RAI2: variants seen among roughly 807,000 people sequenced by gnomAD.
RAI2 encodes the protein retinoic acid-induced protein 2.
A neutral mutation model predicts 15.3 loss-of-function variants in RAI2; 5 were observed. The ratio of observed to expected loss-of-function variants is 0.33; its 90% CI spans 0.17 to 0.69. The LOEUF (loss-of-function observed/expected upper bound fraction) is 0.69. RAI2 is among the 30% of genes least tolerant of loss of function. The pLI is 0.69. For missense variants in RAI2, 424 were observed against 424.7 expected, an observed-to-expected ratio of 1.00 and a Z score of 0.01; for synonymous variants, 191 against 184.0, an observed-to-expected ratio of 1.04 and a Z score of -0.31.
intron 1 of RAI2, among the ~76,000 whole-genome samples, chrX:17,849,637 G>A (rs2067504075): frequency 8.9e-6 from 1 of 112,744 alleles, no homozygotes; most frequent in Middle Eastern, 4.2e-3. Flanking sequence ...ATTGGAGGAT[G>A]TTTCCTAACA....
intron 1 of RAI2, among the ~76,000 whole-genome samples, chrX:17,854,921 T>C (rs1216659609): frequency 8.9e-6 from 1 of 111,952 alleles, no homozygotes; most frequent in African/African-American, 3.2e-5. Flanking sequence ...CACAGGCGCC[T>C]GACCTGTAAA....
At chrX:17,819,901 T>TAC (rs1382178665) in intron 1 of RAI2, among the ~76,000 whole-genome samples, 15 of 112,596 alleles carry the variant, frequency 1.3e-4, no homozygotes, top group Admixed American at 6.6e-4. Context: ...TTCAGGTGGT[T>TAC]ACAAAGGTGT....
intron 1 of RAI2, among the ~76,000 whole-genome samples, chrX:17,845,627 G>A (rs948869836): frequency 8.9e-6 from 1 of 112,296 alleles, no homozygotes; most frequent in African/African-American, 3.2e-5. Context: ...TCTTTGGGAT[G>A]GGGGTGGAGA....
At chrX:17,819,297 C>A (rs1238447566) in intron 1 of RAI2, among the ~76,000 whole-genome samples, 1 of 112,373 alleles carries the variant, frequency 8.9e-6, no homozygotes, top group Admixed American at 9.4e-5. Context: ...AACTAAGCAA[C>A]CATATCTCAT....
chrX:17,824,609 G>GC lies in RAI2; in HGVS notation c.-24-22576dup, dbSNP rs201606511. On this transcript the variant is annotated intron_variant, in intron 1 of 1. Transcript: ENST00000451717. ...CCAATGTCTGATTTTGAGCAGAGCA[G>GC]CCCCCCTAGGATGAGTTAACTGCAA... Among the ~76,000 whole-genome samples, 959 of 111,678 alleles carry GC rather than the reference G, an allele frequency of 8.6e-3. 8 individuals are homozygous for GC. The highest frequency in any genetic ancestry group is 0.028 in the African/African-American group (872 of 30,674).
rs1238276759 is a variant in RAI2 at position 17,800,520 on chromosome X, G to T, written c.1491C>A (p.Pro497=). Residue 497 remains proline (P), a synonymous_variant, in exon 2 of 2, where the codon CCC becomes CCA. Transcript: ENST00000451717. The part of the protein sequence containing the change: ...SMGNAEPLRK[P]IKNRSIKLKK... ...TTAACTTTATGCTCCGGTTTTTGAT[G>T]GGTTTCCTAAGGGGCTCTGCATTTC... 4 of 1,210,663 alleles carry T rather than the reference G, an allele frequency of 3.3e-6. No homozygotes were observed. The highest frequency in any genetic ancestry group is 4.5e-6 in the Non-Finnish European group (4 of 894,950).
At chrX:17,827,141 T>G (rs185939262) in intron 1 of RAI2, among the ~76,000 whole-genome samples, 1 of 112,160 alleles carries the variant, frequency 8.9e-6, no homozygotes, top group East Asian at 2.8e-4. Context: ...CCCACTGGGA[T>G]ATGGAGAACT....
At position 17,800,127 on chromosome X, in the gene RAI2, A is replaced by C. The variant is rs749115001; in HGVS notation, c.*291T>G. On this transcript the variant is annotated 3_prime_UTR_variant, in exon 2 of 2. Coordinates refer to ENST00000451717, the MANE Select transcript of RAI2 (RefSeq NM_021785.6). ...TTACATCATCAAAGCACTTTGTGGCAATGAAAATAGCTTTTTTTACCCCTC... is the reference window on the plus strand; with the variant it reads ...TTACATCATCAAAGCACTTTGTGGCCATGAAAATAGCTTTTTTTACCCCTC... 3.8e-6 allele frequency: 1 copy of C among 264,792 alleles called. No individual in the cohort carries two copies. Among genetic ancestry groups the C allele is most frequent in the South Asian group, 1.5e-4 (1 of 6,784 alleles). 21.8% of individuals were successfully genotyped at this position (264,792 alleles called of 1,213,427 possible).
chrX:17,851,649 T>C (rs985760877), intron 1 of RAI2, among the ~76,000 whole-genome samples: 2 of 111,544 alleles, frequency 1.8e-5, no homozygotes, highest in African/African-American at 6.5e-5. Context: ...AAAGTAACAC[T>C]GGTTTCTATG....
At chrX:17,829,268 A>T (rs2067257828) in intron 1 of RAI2, among the ~76,000 whole-genome samples, 1 of 94,042 alleles carries the variant, frequency 1.1e-5, no homozygotes, top group African/African-American at 4.1e-5. Context: ...TTTCATGGCC[A>T]TCTGTATGGA....
intron 1 of RAI2, among the ~76,000 whole-genome samples, chrX:17,806,844 C>T (rs1333101674): frequency 9.0e-6 from 1 of 110,862 alleles, no homozygotes; most frequent in South Asian, 3.9e-4. Context: ...AGCACATCTT[C>T]ACGTGGCCGG....
At chrX:17,834,465 G>GT (rs971546807) in intron 1 of RAI2, among the ~76,000 whole-genome samples, 521 of 103,368 alleles carry the variant, frequency 5.0e-3, no homozygotes, top group African/African-American at 0.013. Flanking sequence ...AAAATGATTC[G>GT]TTTTTTTTTT....
chrX:17,845,890 G>A (rs1365378727), intron 1 of RAI2, among the ~76,000 whole-genome samples: 2 of 112,154 alleles, frequency 1.8e-5, no homozygotes, highest in East Asian at 2.8e-4. Context: ...TCCAGTTAAG[G>A]ACTTTCAAGT....
intron 1 of RAI2, among the ~76,000 whole-genome samples, chrX:17,815,784 T>A (rs2067100526): frequency 9.0e-6 from 1 of 111,294 alleles, no homozygotes; most frequent in South Asian, 3.8e-4. Flanking sequence ...CTGCAATTAA[T>A]TTTGCACCAA....
intron 1 of RAI2, among the ~76,000 whole-genome samples, chrX:17,860,180 G>A (rs2067669535): frequency 9.0e-6 from 1 of 111,608 alleles, no homozygotes; most frequent in Non-Finnish European, 1.9e-5. Flanking sequence ...GAAACACAAA[G>A]CAGCAGCTGT....
At chrX:17,838,900 ACATGCT>A (rs371915633) in intron 1 of RAI2, among the ~76,000 whole-genome samples, 74 of 111,820 alleles carry the variant, frequency 6.6e-4, no homozygotes, top group African/African-American at 2.3e-3. Flanking sequence ...AGCACACATC[ACATGCT>A]CATACCACAA....
At chrX:17,856,086 G>T (rs1029304919) in intron 1 of RAI2, among the ~76,000 whole-genome samples, 4 of 112,186 alleles carry the variant, frequency 3.6e-5, no homozygotes, top group Admixed American at 2.8e-4. Context: ...GTGGGAAGAG[G>T]AGTGACAGGT....
At chrX:17,833,957 C>G in intron 1 of RAI2, among the ~76,000 whole-genome samples, 1 of 111,521 alleles carries the variant, frequency 9.0e-6, no homozygotes, top group Middle Eastern at 4.6e-3. Flanking sequence ...GGTGGTTGTT[C>G]AATCTCATTT....
Position 17,819,355 on chromosome X carries a change from G to A in RAI2, c.-24-17321C>T, listed in dbSNP as rs904058700. Among the ~76,000 whole-genome samples, 5 of 112,495 alleles carry A rather than the reference G, an allele frequency of 4.4e-5. No homozygotes were observed. The East Asian group carries it at 1.4e-3, about 31-fold the overall frequency. ...AAAAGACTAGAAACACCAAAAGTTG[G>A]TGAGGCTATGGTGCAAGTGAAACGA... is the stretch of plus-strand genomic sequence containing the variant. On this transcript the variant is annotated intron_variant, in intron 1 of 1. Transcript: ENST00000451717.
Sources: allele counts gnomAD v4.1 joint callset (sites outside exome capture counted in the v4.1 genomes callset), GRCh38; gene constraint gnomAD v4.1.1; transcripts MANE v1.5; gene names NCBI Gene and HGNC (gene_info 2026-07-23, HGNC 2026-07-21).